The following RAD51B variants were observed in gnomAD, a reference collection of about 807,000 sequenced individuals.
RAD51B encodes the protein DNA repair protein RAD51 homolog 2.
In RAD51B, 38 loss-of-function variants were observed where a neutral mutation model predicts 42.2. That is an observed-to-expected ratio of 0.90 (90% CI 0.70 to 1.18). The LOEUF (loss-of-function observed/expected upper bound fraction) is 1.18. RAD51B is among the 50% of genes most tolerant of loss of function. The pLI is 0.00. For missense variants in RAD51B, 373 were observed against 400.7 expected (o/e 0.93, Z 0.59); for synonymous variants, 154 against 145.2 (o/e 1.06, Z -0.43).
At chr14:68,088,545 A>G (rs539831891) in intron 7 of RAD51B, among the ~76,000 whole-genome samples, 126 of 151,528 alleles carry the variant, frequency 8.3e-4, no homozygotes, top group African/African-American at 2.9e-3. Flanking sequence ...GCTGCTATCA[A>G]TTATGCCAGA....
intron 8 of RAD51B, among the ~76,000 whole-genome samples, chr14:68,310,674 G>A (rs1178229776): frequency 1.3e-5 from 2 of 152,092 alleles, no homozygotes; most frequent in African/African-American, 2.4e-5. Context: ...GGTGAAACCC[G>A]TCTCTATTAA....
intron 7 of RAD51B, among the ~76,000 whole-genome samples, chr14:68,216,114 T>G (rs1422217153): frequency 1.3e-5 from 2 of 152,146 alleles, no homozygotes; most frequent in African/African-American, 4.8e-5. Context: ...GAAAAACAAA[T>G]GGGAAAGTCA....
At chr14:67,882,728 A>G (rs528541116) in intron 5 of RAD51B, among the ~76,000 whole-genome samples, 48 of 151,384 alleles carry the variant, frequency 3.2e-4, no homozygotes, top group African/African-American at 1.1e-3. Context: ...CTAGACACTC[A>G]CCCAATTAGT....
chr14:68,477,626 C>CTTTT, intron 10 of RAD51B, 22 bp from the exon 11 acceptor site: 2 of 1,409,998 alleles, frequency 1.4e-6, no homozygotes, highest in Non-Finnish European at 1.9e-6. Flanking sequence ...CAAACTTTCT[C>CTTTT]TTTTTTTTTT....
intron 10 of RAD51B, among the ~76,000 whole-genome samples, chr14:68,605,526 A>T (rs551702325): frequency 6.6e-6 from 1 of 152,332 alleles, no homozygotes; most frequent in East Asian, 1.9e-4. Flanking sequence ...AAGAAGGGAA[A>T]CTTTGGAGAG....
At chr14:68,092,417 G>C (rs1365827623) in intron 7 of RAD51B, among the ~76,000 whole-genome samples, 32 of 152,200 alleles carry the variant, frequency 2.1e-4, no homozygotes, top group African/African-American at 6.7e-4. Flanking sequence ...TCCTTCACAT[G>C]CCTTGTAAGT....
intron 7 of RAD51B, among the ~76,000 whole-genome samples, chr14:67,892,940 T>C (rs1397772268): frequency 2.0e-5 from 3 of 152,254 alleles, no homozygotes; most frequent in African/African-American, 4.8e-5. Context: ...TCCTGGACTT[T>C]GCTTATGCTC....
intron 7 of RAD51B, among the ~76,000 whole-genome samples, chr14:68,240,896 A>T (rs904062490): frequency 6.6e-6 from 1 of 152,248 alleles, no homozygotes; most frequent in African/African-American, 2.4e-5. Context: ...TAGGCTAGGC[A>T]CTTTACCTAC....
intron 7 of RAD51B, among the ~76,000 whole-genome samples, chr14:68,208,578 G>C (rs542416584): frequency 1.3e-5 from 2 of 152,300 alleles, no homozygotes; most frequent in African/African-American, 4.8e-5. Flanking sequence ...TTTCTTCACA[G>C]AGTCATGGAA....
chr14:68,559,817 C>T (rs771935747), intron 10 of RAD51B, among the ~76,000 whole-genome samples: 3 of 152,180 alleles, frequency 2.0e-5, no homozygotes, highest in Non-Finnish European at 4.4e-5. Flanking sequence ...ACACGCTTGC[C>T]AGGACTGCAC....
At chr14:68,469,350 C>G (rs140718778) in intron 10 of RAD51B, among the ~76,000 whole-genome samples, 1 of 152,224 alleles carries the variant, frequency 6.6e-6, no homozygotes, top group African/African-American at 2.4e-5. Flanking sequence ...GCAGCCTTCC[C>G]TTTCCTTCCC....
intron 9 of RAD51B, among the ~76,000 whole-genome samples, chr14:68,453,034 T>A (rs1237985265): frequency 6.6e-6 from 1 of 152,172 alleles, no homozygotes; most frequent in African/African-American, 2.4e-5. Context: ...ATTTGGTACA[T>A]ATTCACATGT....
chr14:68,353,628 G>A (rs906089663), intron 8 of RAD51B, among the ~76,000 whole-genome samples: 1 of 152,208 alleles, frequency 6.6e-6, no homozygotes, highest in Non-Finnish European at 1.5e-5. Flanking sequence ...GCACTGTGGG[G>A]TCCACAGCAG....
intron 7 of RAD51B, among the ~76,000 whole-genome samples, chr14:68,260,696 GAGA>G (rs1335708797): frequency 6.6e-6 from 1 of 152,174 alleles, no homozygotes; most frequent in Non-Finnish European, 1.5e-5. Flanking sequence ...GTCTTCAAGA[GAGA>G]AGGTCAGAGA....
chr14:68,378,824 C>T (rs754754141), intron 8 of RAD51B, among the ~76,000 whole-genome samples: 1 of 151,990 alleles, frequency 6.6e-6, no homozygotes, highest in Non-Finnish European at 1.5e-5. Flanking sequence ...ATGCATTCTG[C>T]TTTCATAATT....
intron 10 of RAD51B, among the ~76,000 whole-genome samples, chr14:68,586,320 C>T (rs112594657): frequency 3.4e-4 from 52 of 152,298 alleles, no homozygotes; most frequent in African/African-American, 1.2e-3. Context: ...TTGTCTCCTC[C>T]CTGCCTGACC....
intron 10 of RAD51B, among the ~76,000 whole-genome samples, chr14:68,475,945 A>G (rs1358664796): frequency 1.3e-5 from 2 of 151,950 alleles, no homozygotes; most frequent in African/African-American, 4.8e-5. Flanking sequence ...TTTCTGGAAT[A>G]TGATTTAAGC....
chr14:67,897,032 C>T (rs1013783169), intron 7 of RAD51B, among the ~76,000 whole-genome samples: 2 of 151,948 alleles, frequency 1.3e-5, no homozygotes, highest in Non-Finnish European at 2.9e-5. Context: ...CAGGAAAACT[C>T]GATATTCACA....
rs79463309 is a variant in RAD51B at position 68,554,562 on chromosome 14, T to C, written c.1037-39923T>C. Among the ~76,000 whole-genome samples, 1,098 of 152,284 alleles carry C rather than the reference T, an allele frequency of 7.2e-3. 13 individuals carry two copies. Among genetic ancestry groups the C allele is most frequent in the African/African-American group, 0.024 (1,017 of 41,554 alleles). ...TGGTGCCTTCCCTGGCTCCTCTACC[T>C]TAATGGCAACCCCCGCCCCACTGCA... On this transcript the variant is annotated intron_variant, in intron 10 of 10. Coordinates refer to the RAD51B transcript ENST00000487270.
Sources: gnomAD v4.1 joint callset for allele counts (sites outside exome capture counted in the v4.1 genomes callset) on GRCh38, gnomAD v4.1.1 for gene constraint, MANE v1.5 for transcripts, NCBI Gene and HGNC (gene_info 2026-07-23, HGNC 2026-07-21) for gene names.